The following DUOX2 variants were observed in gnomAD, a reference collection of about 807,000 sequenced individuals.
DUOX2 encodes the protein dual oxidase 2.
In DUOX2, 185 loss-of-function variants were observed where a neutral mutation model predicts 183.3. The observed-to-expected ratio is 1.01, with a 90% CI of 0.90 to 1.14. The LOEUF (loss-of-function observed/expected upper bound fraction) is 1.14, where lower values mean the gene tolerates loss of function less well. Among genes scored for constraint, DUOX2 ranks in the 50% most tolerant of loss-of-function variants. The pLI is 0.00. For synonymous variants in DUOX2, 788 were observed against 812.4 expected (o/e 0.97, Z 0.51); for missense variants, 1,999 against 2,022.9 (o/e 0.99, Z 0.23).
chr15:45,105,941 C>A lies in DUOX2; in HGVS notation c.2149-113G>T, dbSNP rs1894200828. Reference sequence around the variant, plus strand: ...GGAGAGAAAACTCCTCCCCATCCATCCAGGCTGGGGCCAGGTGTGTGGACG... The same window carrying A: ...GGAGAGAAAACTCCTCCCCATCCATACAGGCTGGGGCCAGGTGTGTGGACG... On this transcript the variant is annotated intron_variant, in intron 17 of 33. Coordinates refer to ENST00000389039, the MANE Select transcript of DUOX2 (RefSeq NM_001363711.2). 8 of 1,457,572 alleles carry A rather than the reference C, an allele frequency of 5.5e-6. No individual in the cohort carries two copies. In the South Asian group the frequency reaches 9.6e-5, roughly 17 times the overall value. 90.3% of individuals were successfully genotyped at this position (1,457,572 alleles called of 1,614,324 possible).
At chr15:45,109,476 C>T (rs1187619933) in intron 11 of DUOX2, 48 bp downstream of exon 11, 1 of 1,574,398 alleles carries the variant, frequency 6.4e-7, no homozygotes, top group Admixed American at 1.7e-5. Flanking sequence ...GAGGGATCCT[C>T]AGGCTTCCTG....
rs771461888 is a variant in DUOX2 at position 45,098,052 on chromosome 15, C to G, written c.3522G>C (p.Lys1174Asn). Residue 1174 changes from lysine to asparagine, a missense_variant, in exon 27 of 34, where the codon AAG (lysine) becomes AAC (asparagine). Lys to Asn is a moderately conservative substitution (Grantham distance 94, BLOSUM62 0). This residue lies in a region of DUOX2 where 1,628 missense variants were observed against 1,608.6 expected (regional missense o/e 1.01). Coordinates refer to ENST00000389039, the MANE Select transcript of DUOX2 (RefSeq NM_001363711.2). ...ACCACCAATAGAACTTCTGGGGAAG[C>G]TTGGACCTGGGGGGCAAAGGCACCT... The part of the protein sequence containing the change: ...FPNVFVNDGS[K>N]LPQKFYWWFF... 6.2e-7 allele frequency: 1 copy of G among 1,614,128 alleles called. No homozygotes were observed. Among genetic ancestry groups the G allele is most frequent in the Non-Finnish European group, 8.5e-7 (1 of 1,179,980 alleles).
chr15:45,111,672 G>T, intron 5 of DUOX2, 87 bp from the exon 6 acceptor site: 2 of 1,445,466 alleles, frequency 1.4e-6, no homozygotes, highest in Middle Eastern at 2.5e-4. Context: ...CGCGGCTGGG[G>T]AGTGGGCGCC....
In DUOX2 at chr15:45,094,588, T is replaced by G; in HGVS notation, c.4499A>C (p.Asn1500Thr). The change falls in exon 33 of 34, where the codon AAC (asparagine) becomes ACC (threonine). Residue 1500 changes from asparagine (N) to threonine (T), a missense_variant. By Grantham distance (65) the Asn-to-Thr change is moderately conservative (BLOSUM62 0). Around this residue, in one of 3 missense-constraint regions of DUOX2, gnomAD observed 1,628 missense variants for 1,608.6 expected, o/e 1.01. Transcript: ENST00000389039. ...FGRPPFEPFF[N>T]SLQEVHPQVR... is the part of the protein sequence containing the mutation. ...CTGTGGGTGGACCTCCTGCAGGGAG[T>G]TGAAGAAGGGCTCGAAGGGGGGACG... 1 of 1,612,442 alleles carries G rather than the reference T, an allele frequency of 6.2e-7. No homozygotes were observed. Among genetic ancestry groups the G allele is most frequent in the South Asian group, 1.1e-5 (1 of 90,948 alleles).
chr15:45,113,122 C>A, intron 2 of DUOX2, 46 bp from the exon 3 acceptor site: 1 of 1,587,492 alleles, frequency 6.3e-7, no homozygotes, highest in Non-Finnish European at 8.6e-7. Context: ...CTCCCAGCTA[C>A]CCCTCCCGAG....
intron 29 of DUOX2, among the ~76,000 whole-genome samples, chr15:45,096,305 G>A (rs1019102908): frequency 2.6e-5 from 4 of 152,080 alleles, no homozygotes; most frequent in African/African-American, 9.7e-5. Context: ...TCTTCCCATG[G>A]AAGGCCCAGG....
In DUOX2 at chr15:45,110,506, T is replaced by C. The variant is rs943173721; in HGVS notation, c.962A>G (p.Asp321Gly). Residue 321 changes from aspartate (D) to glycine (G), a missense_variant, in exon 9 of 34, where the codon GAC (aspartate) becomes GGC (glycine). Asp to Gly is a moderately conservative substitution (Grantham distance 94). Coordinates refer to ENST00000389039, the MANE Select transcript of DUOX2 (RefSeq NM_001363711.2). Reference protein sequence around the residue: ...PEYTGYRPFLDPSISPEFVVA... With the variant: ...PEYTGYRPFLGPSISPEFVVA... ...CACAAATTCCGGGGAGATGCTGGGG[T>C]CTAGGAAAGGACGGTATCCTGCAGG... 6.2e-7 allele frequency: 1 copy of C among 1,613,640 alleles called. No individual in the cohort carries two copies. Among genetic ancestry groups the C allele is most frequent in the African/African-American group, 1.3e-5 (1 of 74,756 alleles).
At position 45,093,998 on chromosome 15, in the gene DUOX2, G is replaced by A. The variant is rs1893826574; in HGVS notation, c.*152C>T. On this transcript the variant is annotated 3_prime_UTR_variant, in exon 34 of 34. Coordinates refer to ENST00000389039, the MANE Select transcript of DUOX2 (RefSeq NM_001363711.2). ...TTTTCTCATTTGTATAATTGTCTGG[G>A]TCAATATTCTCCCAATATTGGGAGG... The A allele has an allele frequency of 3.1e-6, 3 of 969,728 alleles. No individual in the cohort carries two copies. Among genetic ancestry groups the A allele is most frequent in the East Asian group, 5.0e-5 (2 of 40,176 alleles). 60.1% of individuals were successfully genotyped at this position (969,728 alleles called of 1,614,324 possible). A position where few individuals can be genotyped will look rare whatever the true frequency, so the allele number is the denominator to read the frequency against.
rs1894332640 is a variant in DUOX2 at position 45,109,918 on chromosome 15, C to T, written c.1103G>A (p.Arg368Lys). 6.2e-7 allele frequency: 1 copy of T among 1,614,172 alleles called. No homozygotes were observed. The highest frequency in any genetic ancestry group is 8.5e-7 in the Non-Finnish European group (1 of 1,180,022). The change falls in exon 10 of 34, where the codon AGG becomes AAG. Residue 368 changes from arginine (R) to lysine (K), a missense_variant. By Grantham distance (26) the Arg-to-Lys change is conservative (BLOSUM62 2). This residue lies in a region of DUOX2 where 1,628 missense variants were observed against 1,608.6 expected (regional missense o/e 1.01). Coordinates refer to ENST00000389039, the MANE Select transcript of DUOX2 (RefSeq NM_001363711.2). ...NKGFQSSQALRVCNNYWIREN... is the reference protein window; with the variant it reads ...NKGFQSSQALKVCNNYWIREN... ...CCGAATCCAGTAGTTGTTGCAGACCCTGAGAGCTTGGGAGCTTTGAAAACC... is the reference window on the plus strand; with the variant it reads ...CCGAATCCAGTAGTTGTTGCAGACCTTGAGAGCTTGGGAGCTTTGAAAACC...
In DUOX2 at chr15:45,111,482, C is replaced by A. The variant is rs1894403004; in HGVS notation, c.617G>T (p.Gly206Val). The change falls in exon 6 of 34, where the codon GGG (glycine) becomes GTG (valine). Residue 206 changes from glycine to valine, a missense_variant. Around this residue, in one of 3 missense-constraint regions of DUOX2, gnomAD observed 356 missense variants for 356.4 expected, o/e 1.00. Transcript: ENST00000389039. ...RSFSGGQLAS[G>V]PDPAFPRDSQ... ...GTCTCGGGGGAAAGCGGGGTCGGGCCCCGACGCCAGCTGTCCCCCCGAGAA... is the reference window on the plus strand; with the variant it reads ...GTCTCGGGGGAAAGCGGGGTCGGGCACCGACGCCAGCTGTCCCCCCGAGAA... 3.9e-6 allele frequency: 6 copies of A among 1,551,314 alleles called. No homozygotes were observed. In the East Asian group the frequency reaches 1.4e-4, roughly 37 times the overall value.
rs752120504 is a variant in DUOX2 at position 45,111,869 on chromosome 15, G to A, written c.412C>T (p.Pro138Ser). The A allele has an allele frequency of 5.0e-6, 8 of 1,613,824 alleles. No homozygotes were observed. The highest frequency in any genetic ancestry group is 3.3e-4 in the Middle Eastern group (2 of 6,060). Residue 138 changes from proline to serine, a missense_variant, in exon 5 of 34, where the codon CCC becomes TCC. Physicochemically the swap from Pro to Ser is moderately conservative, Grantham distance 74. This residue lies in a region of DUOX2 where 356 missense variants were observed against 356.4 expected (regional missense o/e 1.00). Coordinates refer to ENST00000389039, the MANE Select transcript of DUOX2 (RefSeq NM_001363711.2). The part of the protein sequence containing the change: ...FLNIRIPPGD[P>S]VFDPDQRGDV... ...CCGCGCTGGTCGGGGTCGAACACGG[G>A]GTCTCCAGGTGGGATGCGGATGTTG...
chr15:45,111,423 C>T lies in DUOX2; in HGVS notation c.676G>A (p.Asp226Asn), dbSNP rs1431182154. The change falls in exon 6 of 34, where the codon GAC (aspartate) becomes AAC (asparagine). Residue 226 changes from aspartate to asparagine, a missense_variant. Coordinates refer to ENST00000389039, the MANE Select transcript of DUOX2 (RefSeq NM_001363711.2). ...QNPLLMWAAP[D>N]PATGQNGPRG... ...GGCCCGTTCTGCCCGGTGGCGGGGT[C>T]GGGCGCCGCCCACATGAGCAGGGGG... The T allele has an allele frequency of 3.3e-6, 5 of 1,506,416 alleles. No homozygotes were observed. The African/African-American group carries it at 7.0e-5, about 21-fold the overall frequency. The allele number at this position is 1,506,416 out of a possible 1,614,324, so 93.3% of individuals were successfully genotyped here. A position where few individuals can be genotyped will look rare whatever the true frequency, so the allele number is the denominator to read the frequency against.
chr15:45,111,657 G>T, intron 5 of DUOX2, 72 bp from the exon 6 acceptor site: 2 of 1,447,396 alleles, frequency 1.4e-6, no homozygotes, highest in Admixed American at 2.9e-5. Flanking sequence ...GGCCCGGCGG[G>T]TGTCCGCGGC....
In DUOX2 at chr15:45,106,767, G is replaced by T. The variant is rs269862; in HGVS notation, c.1831+65C>A. On this transcript the variant is annotated intron_variant, in intron 15 of 33. Coordinates refer to ENST00000389039, the MANE Select transcript of DUOX2 (RefSeq NM_001363711.2). ...GGTCTCAAACGGTACCAAATAGCCA[G>T]CCCCTCAGGCCAGCAGGAAATGAGG... The T allele has an allele frequency of 0.91, 1,457,139 of 1,600,106 alleles. 666,951 individuals are homozygous for T. Among genetic ancestry groups the T allele is most frequent in the East Asian group, 0.94 (42,143 of 44,602 alleles).
intron 18 of DUOX2, among the ~76,000 whole-genome samples, chr15:45,104,906 C>T (rs1266236565): frequency 2.0e-5 from 3 of 152,128 alleles, no homozygotes; most frequent in East Asian, 1.9e-4. Context: ...CTGCAACCTC[C>T]GCCACCCGGG....
rs1894157750 is a variant in DUOX2 at position 45,104,300 on chromosome 15, C to T, written c.2400G>A (p.Glu800=). 1 of 1,614,130 alleles carries T rather than the reference C, an allele frequency of 6.2e-7. No individual in the cohort carries two copies. The highest frequency in any genetic ancestry group is 8.5e-7 in the Non-Finnish European group (1 of 1,180,018). ...CCCTGCTCAGCTCGCAGGTCAGGGC[C>T]TCCCGCACCTTCTGGGAGGAGTCCA... is the stretch of plus-strand genomic sequence containing the variant. ...LPLDSSQKVR[E]ALTCELSRAE... The change falls in exon 19 of 34, where the codon GAG becomes GAA. Residue 800 remains glutamate, a synonymous_variant. Coordinates refer to ENST00000389039, the MANE Select transcript of DUOX2 (RefSeq NM_001363711.2).
In DUOX2 at chr15:45,108,852, C is replaced by G. The variant is rs1894300898; in HGVS notation, c.1335G>C (p.Leu445=). 1.2e-6 allele frequency: 2 copies of G among 1,614,250 alleles called. No homozygotes were observed. Among genetic ancestry groups the G allele is most frequent in the Non-Finnish European group, 1.7e-6 (2 of 1,180,042 alleles). The part of the protein sequence containing the change: ...DMGLPSYSQA[L]LAFGLDIPRN... ...TTGGGATGTCCAGCCCAAAGGCCAG[C>G]AGGGCCTGGCTATAGCTGGGCAGCC... Residue 445 remains leucine, a synonymous_variant, in exon 12 of 34, where the codon CTG becomes CTC. Transcript: ENST00000389039.
intron 10 of DUOX2, 108 bp downstream of exon 10, chr15:45,109,782 C>A: frequency 7.4e-7 from 1 of 1,345,972 alleles, no homozygotes. Flanking sequence ...CTTCATCTCC[C>A]ATGAACCTGG....
intron 14 of DUOX2, 56 bp from the exon 15 acceptor site, chr15:45,107,025 AC>A (rs1325083951): frequency 6.4e-7 from 1 of 1,553,816 alleles, no homozygotes; most frequent in Non-Finnish European, 8.7e-7. Context: ...ATGTGGCCAG[AC>A]CTCTTTCCCC....
Sources: allele counts gnomAD v4.1 joint callset (sites outside exome capture counted in the v4.1 genomes callset), GRCh38; gene constraint gnomAD v4.1.1; regional missense constraint gnomAD v4.1.1; transcripts MANE v1.5; gene names NCBI Gene and HGNC (gene_info 2026-07-23, HGNC 2026-07-21).